Variants in ABCG2 observed in about 807,000 individuals in gnomAD.
The protein encoded by ABCG2 is broad substrate specificity ATP-binding cassette transporter ABCG2.
A neutral mutation model predicts 73.5 loss-of-function variants in ABCG2; 80 were observed. The observed-to-expected ratio is 1.09, with a 90% CI of 0.91 to 1.31. The LOEUF is 1.31. Ranked by LOEUF, ABCG2 falls within the 50% of genes most tolerant of loss-of-function variation. The pLI, the probability that ABCG2 is intolerant of heterozygous loss-of-function variation, is 0.00. For missense variants in ABCG2, 796 were observed against 786.2 expected (o/e 1.01, Z -0.15); for synonymous variants, 269 against 282.4 (o/e 0.95, Z 0.48).
intron 10 of ABCG2, among the ~76,000 whole-genome samples, chr4:88,106,417 T>C (rs1006921937): frequency 2.6e-5 from 4 of 152,176 alleles, no homozygotes; most frequent in Non-Finnish European, 5.9e-5. Flanking sequence ...GTACATACAA[T>C]GGAATATTAT....
chr4:88,096,131 T>A (rs924876672), intron 13 of ABCG2, among the ~76,000 whole-genome samples: 2 of 152,202 alleles, frequency 1.3e-5, no homozygotes, highest in Non-Finnish European at 2.9e-5. Context: ...AGGCTTAACA[T>A]AACCCAAAGT....
intron 1 of ABCG2, among the ~76,000 whole-genome samples, chr4:88,170,160 CCTTTCTTGCCAGT>C (rs1337694258): frequency 6.7e-6 from 1 of 149,904 alleles, no homozygotes; most frequent in Non-Finnish European, 1.5e-5. Context: ...TTTCTTTCCT[CCTTTCTTGCCAGT>C]CTCAAGACAC....
chr4:88,145,596 G>A (rs1725932312), intron 1 of ABCG2, among the ~76,000 whole-genome samples: 1 of 152,096 alleles, frequency 6.6e-6, no homozygotes, highest in South Asian at 2.1e-4. Context: ...AAGCCACTGA[G>A]GCCTTTTAAT....
At chr4:88,164,335 G>A (rs1727429690) in intron 1 of ABCG2, among the ~76,000 whole-genome samples, 1 of 152,196 alleles carries the variant, frequency 6.6e-6, no homozygotes, top group Non-Finnish European at 1.5e-5. Context: ...AAAGTACTAG[G>A]ATTACAGGCG....
chr4:88,209,587 C>T (rs181398155), intron 1 of ABCG2, among the ~76,000 whole-genome samples: 11 of 150,450 alleles, frequency 7.3e-5, no homozygotes, highest in Admixed American at 7.3e-4. Flanking sequence ...AACCTGGGAG[C>T]CGGAGGTTGC....
In ABCG2 at chr4:88,204,608, T is replaced by C. The variant is rs146311194; in HGVS notation, c.-20+26386A>G. Among the ~76,000 whole-genome samples, 362 of 152,344 alleles carry C rather than the reference T, an allele frequency of 2.4e-3. 2 individuals carry two copies. The highest frequency in any genetic ancestry group is 7.8e-3 in the African/African-American group (324 of 41,576). ...TCACAGTTGCCAATAATTCCAAGTG[T>C]ATGCACAAGTTTTGCACATCTTCAG... On this transcript the variant is annotated intron_variant, in intron 1 of 15. Transcript: ENST00000515655.
intron 1 of ABCG2, among the ~76,000 whole-genome samples, chr4:88,184,935 A>T (rs1158736195): frequency 6.6e-6 from 1 of 152,230 alleles, no homozygotes; most frequent in Non-Finnish European, 1.5e-5. Context: ...TCTCAAGAAC[A>T]TACAGTGGGA....
exon 1 of ABCG2, chr4:88,231,260 A>AGCCTC (rs1448281421): frequency 6.6e-6 from 1 of 152,226 alleles, no homozygotes; most frequent in Non-Finnish European, 1.5e-5. Flanking sequence ...CGAGTAAACT[A>AGCCTC]GCCTCGAGGA....
At chr4:88,103,152 T>C (rs1722552915) in intron 10 of ABCG2, among the ~76,000 whole-genome samples, 1 of 152,202 alleles carries the variant, frequency 6.6e-6, no homozygotes. Flanking sequence ...CATGCAGTTA[T>C]CTCACTTTCT....
chr4:88,172,186 T>C (rs1727782142), intron 1 of ABCG2, among the ~76,000 whole-genome samples: 1 of 149,730 alleles, frequency 6.7e-6, no homozygotes, highest in African/African-American at 2.5e-5. Flanking sequence ...TCCCAGCTAC[T>C]CGGGAGGCTG....
intron 1 of ABCG2, among the ~76,000 whole-genome samples, chr4:88,229,600 G>A (rs950441020): frequency 6.6e-6 from 1 of 152,158 alleles, no homozygotes; most frequent in Non-Finnish European, 1.5e-5. Flanking sequence ...TCTATTTCCA[G>A]GATAGGGTTC....
At chr4:88,137,107 G>A (rs1725312588) in intron 2 of ABCG2, among the ~76,000 whole-genome samples, 2 of 151,594 alleles carry the variant, frequency 1.3e-5, no homozygotes, top group Non-Finnish European at 2.9e-5. Context: ...AGAGAGGGAA[G>A]AACCCACCTT....
At chr4:88,095,747 A>C in intron 13 of ABCG2, 138 bp from the exon 14 acceptor site, 1 of 654,638 alleles carries the variant, frequency 1.5e-6, no homozygotes, top group South Asian at 1.8e-5. Context: ...CTCTCCACTT[A>C]CTCAAGACAC....
At chr4:88,170,910 G>A (rs550057518) in intron 1 of ABCG2, among the ~76,000 whole-genome samples, 42 of 152,284 alleles carry the variant, frequency 2.8e-4, no homozygotes, top group African/African-American at 1.0e-3. Context: ...GAGGGTGTAA[G>A]ACATATACAC....
chr4:88,096,656 T>C (rs1722004890), intron 13 of ABCG2, among the ~76,000 whole-genome samples: 1 of 152,014 alleles, frequency 6.6e-6, no homozygotes, highest in Non-Finnish European at 1.5e-5. Flanking sequence ...AAGTATGATG[T>C]TGAAGGGGAA....
At chr4:88,215,056 C>T (rs1369372104) in intron 1 of ABCG2, among the ~76,000 whole-genome samples, 2 of 152,112 alleles carry the variant, frequency 1.3e-5, no homozygotes, top group South Asian at 2.1e-4. Context: ...TATGTCACTG[C>T]ACTCCAGCCT....
intron 5 of ABCG2, among the ~76,000 whole-genome samples, chr4:88,130,701 G>A (rs775954165): frequency 3.3e-5 from 5 of 152,200 alleles, no homozygotes; most frequent in Non-Finnish European, 5.9e-5. Context: ...CTTGGAGGAA[G>A]AGTGACTAAA....
intron 1 of ABCG2, among the ~76,000 whole-genome samples, chr4:88,149,921 T>TGAACA (rs1384408579): frequency 6.6e-6 from 1 of 151,562 alleles, no homozygotes; most frequent in African/African-American, 2.4e-5. Context: ...CTTACAGGAG[T>TGAACA]GAACAAAACA....
chr4:88,154,711 G>A (rs1361149912), intron 1 of ABCG2, among the ~76,000 whole-genome samples: 1 of 152,204 alleles, frequency 6.6e-6, no homozygotes, highest in East Asian at 1.9e-4. Flanking sequence ...AGGCCGGATT[G>A]AAGTCTGGGC....
Sources: gnomAD v4.1 joint callset for allele counts (sites outside exome capture counted in the v4.1 genomes callset) on GRCh38, gnomAD v4.1.1 for gene constraint, MANE v1.5 for transcripts, NCBI Gene and HGNC (gene_info 2026-07-23, HGNC 2026-07-21) for gene names.